Variants in TMEM45A observed in about 807,000 individuals in gnomAD.
TMEM45A encodes the protein DNA polymerase-transactivated protein 4.
A neutral mutation model predicts 32.0 loss-of-function variants in TMEM45A; 25 were observed. The observed-to-expected ratio is 0.78, with a 90% CI of 0.57 to 1.09. The LOEUF is 1.09. Among genes scored for constraint, TMEM45A ranks in the 50% least tolerant of loss-of-function variants. The pLI, the probability that TMEM45A is intolerant of heterozygous loss-of-function variation, is 0.00. For synonymous variants in TMEM45A, 122 were observed against 114.8 expected (o/e 1.06, Z -0.40); for missense variants, 302 against 325.0 (o/e 0.93, Z 0.54).
chr3:100,515,452 G>A (rs1290770577), intron 1 of TMEM45A, among the ~76,000 whole-genome samples: 1 of 136,838 alleles, frequency 7.3e-6, no homozygotes, highest in Non-Finnish European at 1.5e-5. Context: ...CAGAGGAAGG[G>A]GAACATCACA....
intron 4 of TMEM45A, among the ~76,000 whole-genome samples, chr3:100,566,681 T>C (rs1054336555): frequency 1.3e-5 from 2 of 152,182 alleles, no homozygotes; most frequent in Non-Finnish European, 2.9e-5. Flanking sequence ...TTATTGTTAT[T>C]ATTGCCAGCC....
At chr3:100,525,234 T>C (rs1705519235) in intron 1 of TMEM45A, among the ~76,000 whole-genome samples, 1 of 152,170 alleles carries the variant, frequency 6.6e-6, no homozygotes, top group Admixed American at 6.5e-5. Context: ...AACTATCTCA[T>C]TAATAATTTT....
chr3:100,496,601 AT>A (rs1476758110), intron 1 of TMEM45A, among the ~76,000 whole-genome samples: 1 of 152,216 alleles, frequency 6.6e-6, no homozygotes, highest in Non-Finnish European at 1.5e-5. Context: ...GGAGATATTG[AT>A]TTGGTAAAAT....
intron 1 of TMEM45A, among the ~76,000 whole-genome samples, chr3:100,509,592 T>C (rs891657313): frequency 3.3e-5 from 5 of 152,068 alleles, no homozygotes; most frequent in Admixed American, 2.0e-4. Context: ...AGATATACGA[T>C]GAAATATTGA....
intron 1 of TMEM45A, among the ~76,000 whole-genome samples, chr3:100,518,545 A>C (rs74551788): frequency 6.6e-6 from 1 of 152,198 alleles, no homozygotes; most frequent in Non-Finnish European, 1.5e-5. Context: ...AAGACAATAC[A>C]TCTTCTTATT....
intron 1 of TMEM45A, among the ~76,000 whole-genome samples, chr3:100,550,826 CA>C (rs540960177): frequency 1.8e-3 from 278 of 152,050 alleles, no homozygotes; most frequent in African/African-American, 6.1e-3. Context: ...GGGTGTTCAG[CA>C]AAAAGTAGGG....
intron 1 of TMEM45A, among the ~76,000 whole-genome samples, chr3:100,509,658 C>T (rs1475013706): frequency 2.0e-5 from 3 of 152,304 alleles, no homozygotes; most frequent in Admixed American, 6.5e-5. Flanking sequence ...CAGCTCCCAG[C>T]GTGAGTGATG....
At chr3:100,565,859 CA>C (rs1465573473) in intron 4 of TMEM45A, among the ~76,000 whole-genome samples, 1 of 152,130 alleles carries the variant, frequency 6.6e-6, no homozygotes, top group African/African-American at 2.4e-5. Context: ...GTGCCCCCAT[CA>C]GCTCTATCTG....
chr3:100,508,255 C>T (rs1708104539), intron 1 of TMEM45A, among the ~76,000 whole-genome samples: 1 of 152,088 alleles, frequency 6.6e-6, no homozygotes, highest in African/African-American at 2.4e-5. Context: ...AGGGATTTCA[C>T]CATGGGTCAC....
At position 100,555,286 on chromosome 3, in the gene TMEM45A, T is replaced by C. The variant is rs1706193324; in HGVS notation, c.75T>C (p.Ser25=). 11 of 1,613,952 alleles carry C rather than the reference T, an allele frequency of 6.8e-6. No homozygotes were observed. Among genetic ancestry groups the C allele is most frequent in the Non-Finnish European group, 9.3e-6 (11 of 1,179,928 alleles). The change falls in exon 2 of 6, where the codon AGT becomes AGC. Residue 25 remains serine, a synonymous_variant. Transcript: ENST00000323523. Reference sequence around the variant, plus strand: ...TTGGTCTTTGGTGGTGTACAAAGAGTATTCTGAAGTATATCTGCAAAAAGC... The same window carrying C: ...TTGGTCTTTGGTGGTGTACAAAGAGCATTCTGAAGTATATCTGCAAAAAGC... ...FIIGLWWCTK[S]ILKYICKKQK... is the part of the protein sequence containing the mutation.
At chr3:100,515,646 A>G (rs1311517063) in intron 1 of TMEM45A, among the ~76,000 whole-genome samples, 12 of 150,854 alleles carry the variant, frequency 8.0e-5, no homozygotes, top group Admixed American at 7.9e-4. Context: ...AAAAAAAAAG[A>G]AAAGAACTAT....
intron 1 of TMEM45A, among the ~76,000 whole-genome samples, chr3:100,525,099 G>A (rs923834418): frequency 6.6e-6 from 1 of 151,958 alleles, no homozygotes; most frequent in African/African-American, 2.4e-5. Context: ...GAGGCAGGAG[G>A]ATAACTTGAG....
intron 1 of TMEM45A, among the ~76,000 whole-genome samples, chr3:100,533,528 G>GAGAATGCTGCAACT (rs1383359470): frequency 6.6e-6 from 1 of 152,052 alleles, no homozygotes; most frequent in African/African-American, 2.4e-5. Flanking sequence ...GCACTCCCAT[G>GAGAATGCTGCAACT]AGAATGCTGC....
At chr3:100,510,529 C>T (rs904717783) in intron 1 of TMEM45A, among the ~76,000 whole-genome samples, 4 of 152,180 alleles carry the variant, frequency 2.6e-5, no homozygotes, top group East Asian at 1.9e-4. Flanking sequence ...AAAAACAGAG[C>T]AGAAAAACTG....
At chr3:100,550,299 C>CA (rs976001343) in intron 1 of TMEM45A, among the ~76,000 whole-genome samples, 1 of 151,576 alleles carries the variant, frequency 6.6e-6, no homozygotes, top group African/African-American at 2.4e-5. Flanking sequence ...AAGACTCATT[C>CA]AAAACCAATG....
intron 1 of TMEM45A, among the ~76,000 whole-genome samples, chr3:100,527,215 A>G (rs897216910): frequency 1.3e-5 from 2 of 152,172 alleles, no homozygotes; most frequent in African/African-American, 4.8e-5. Flanking sequence ...AGAATAAATG[A>G]GGGTCAATAA....
rs191395745 is a variant in TMEM45A at position 100,537,780 on chromosome 3, T to C, written c.-3-17429T>C. ...AGAGCTCTTGACAATAGCAACTCTC[T>C]CCTTTAGAAGCTGTGATGCAAGTGA... On this transcript the variant is annotated intron_variant, in intron 1 of 5. Coordinates refer to ENST00000323523, the MANE Select transcript of TMEM45A (RefSeq NM_018004.3). Among the ~76,000 whole-genome samples, 3 of 152,344 alleles carry C rather than the reference T, an allele frequency of 2.0e-5. No individual in the cohort carries two copies. The East Asian group carries it at 5.8e-4, about 29-fold the overall frequency.
intron 1 of TMEM45A, among the ~76,000 whole-genome samples, chr3:100,501,931 T>C (rs1708013061): frequency 6.6e-6 from 1 of 152,240 alleles, no homozygotes; most frequent in South Asian, 2.1e-4. Flanking sequence ...AAAAAAATAT[T>C]ACTTTTAATT....
intron 5 of TMEM45A, 135 bp downstream of exon 5, chr3:100,569,102 C>T (rs1037564995): frequency 1.1e-6 from 1 of 904,678 alleles, no homozygotes; most frequent in Non-Finnish European, 1.6e-6. Flanking sequence ...CATAGCAGAA[C>T]ATTATCTGCA....
Sources: allele counts gnomAD v4.1 joint callset (sites outside exome capture counted in the v4.1 genomes callset), GRCh38; gene constraint gnomAD v4.1.1; transcripts MANE v1.5; gene names NCBI Gene and HGNC (gene_info 2026-07-23, HGNC 2026-07-21).